SH3RF2: variants seen among roughly 807,000 people sequenced by gnomAD.
SH3RF2 encodes the protein E3 ubiquitin-protein ligase SH3RF2.
Under a neutral mutation model 59.0 loss-of-function variants are expected in SH3RF2, and 43 were observed. The observed-to-expected ratio is 0.73, with a 90% CI of 0.57 to 0.94. The LOEUF (loss-of-function observed/expected upper bound fraction) is 0.94. Among genes scored for constraint, SH3RF2 ranks in the 40% least tolerant of loss-of-function variants. The pLI is 0.00. For synonymous variants in SH3RF2, 391 were observed against 391.5 expected, an observed-to-expected ratio of 1.00 and a Z score of 0.01; for missense variants, 930 against 940.1, an observed-to-expected ratio of 0.99 and a Z score of 0.14.
intron 2 of SH3RF2, among the ~76,000 whole-genome samples, chr5:145,968,131 C>T (rs1481158554): frequency 6.6e-6 from 1 of 152,146 alleles, no homozygotes; most frequent in East Asian, 1.9e-4. Flanking sequence ...GTCCATGATA[C>T]CCAAATGTTA....
In SH3RF2 at chr5:146,056,703, T is replaced by A. The variant is rs532750673; in HGVS notation, c.1555+490T>A. 1.4e-4 allele frequency among the ~76,000 whole-genome samples: 21 copies of A among 152,308 alleles called. No homozygotes were observed. In the South Asian group the frequency reaches 1.5e-3, roughly 11 times the overall value. Reference sequence around the variant, plus strand: ...AAGTAATGAATGCATAGAACTTTTTTAAAAAGGTTTACAGTATACGAACTG... The same window carrying A: ...AAGTAATGAATGCATAGAACTTTTTAAAAAAGGTTTACAGTATACGAACTG... On this transcript the variant is annotated intron_variant, in intron 8 of 9. Transcript: ENST00000359120.
At chr5:145,984,508 T>C (rs1759626904) in intron 2 of SH3RF2, among the ~76,000 whole-genome samples, 1 of 152,242 alleles carries the variant, frequency 6.6e-6, no homozygotes, top group Non-Finnish European at 1.5e-5. Context: ...TATCTCATAT[T>C]CCTAAGGAAG....
chr5:146,057,928 GTCTCTCTCTCTC>G (rs58826823), intron 8 of SH3RF2, among the ~76,000 whole-genome samples: 1,606 of 133,226 alleles, frequency 0.012, 30 homozygotes, highest in African/African-American at 0.04. Context: ...GGCTGTTAGT[GTCTCTCTCTCTC>G]TCTCTCTCTC....
chr5:146,074,201 G>A (rs372100505), intron 9 of SH3RF2, among the ~76,000 whole-genome samples: 5 of 151,818 alleles, frequency 3.3e-5, no homozygotes, highest in African/African-American at 1.2e-4. Context: ...CACCACGCCC[G>A]GCTAATTTTT....
chr5:145,983,247 C>CT (rs35986916), intron 2 of SH3RF2, among the ~76,000 whole-genome samples: 11,756 of 133,910 alleles, frequency 0.088, 631 homozygotes, highest in Middle Eastern at 0.11. Context: ...AAACCAGAGC[C>CT]TTTTTTTTTT....
intron 2 of SH3RF2, among the ~76,000 whole-genome samples, chr5:145,964,218 T>C (rs981166645): frequency 1.3e-5 from 2 of 151,162 alleles, no homozygotes; most frequent in Non-Finnish European, 2.9e-5. Context: ...CCTTCCTCCC[T>C]TCCTTCTTTC....
At chr5:146,056,394 A>G (rs1344841835) in intron 8 of SH3RF2, among the ~76,000 whole-genome samples, 181 bp downstream of exon 8, 1 of 152,222 alleles carries the variant, frequency 6.6e-6, no homozygotes, top group African/African-American at 2.4e-5. Context: ...ACTCAAGGTG[A>G]TGGCCCTAGG....
At chr5:145,945,864 A>G (rs907578462) in intron 2 of SH3RF2, among the ~76,000 whole-genome samples, 17 of 152,188 alleles carry the variant, frequency 1.1e-4, no homozygotes, top group South Asian at 2.1e-4. Context: ...TCTTGGATTC[A>G]GTGCAGCCAA....
intron 2 of SH3RF2, among the ~76,000 whole-genome samples, chr5:145,973,433 C>G (rs1461676828): frequency 6.6e-6 from 1 of 152,152 alleles, no homozygotes; most frequent in Admixed American, 6.6e-5. Context: ...GAACTTCTCT[C>G]AAAATTAAGT....
chr5:145,943,437 T>G (rs1757894698), intron 2 of SH3RF2, among the ~76,000 whole-genome samples: 1 of 152,168 alleles, frequency 6.6e-6, no homozygotes, highest in African/African-American at 2.4e-5. Flanking sequence ...GTGTTAAAAT[T>G]TATACAAATA....
intron 2 of SH3RF2, among the ~76,000 whole-genome samples, chr5:145,952,439 C>T (rs1382096825): frequency 6.6e-6 from 1 of 152,132 alleles, no homozygotes; most frequent in Non-Finnish European, 1.5e-5. Context: ...TAAGTTCTGC[C>T]GGGCACATCT....
chr5:145,958,125 CA>C (rs921291402), intron 2 of SH3RF2, among the ~76,000 whole-genome samples: 5 of 150,712 alleles, frequency 3.3e-5, no homozygotes, highest in African/African-American at 1.2e-4. Context: ...AAAAAAAAAA[CA>C]AAAAAACAAA....
intron 9 of SH3RF2, among the ~76,000 whole-genome samples, chr5:146,073,371 T>TTATGG (rs1763275186): frequency 1.3e-5 from 2 of 152,336 alleles, no homozygotes; most frequent in East Asian, 3.9e-4. Context: ...TTCCCAAGGT[T>TTATGG]GACACAGTTT....
chr5:146,051,899 G>C (rs1762513726), intron 7 of SH3RF2, among the ~76,000 whole-genome samples: 1 of 152,184 alleles, frequency 6.6e-6, no homozygotes, highest in South Asian at 2.1e-4. Flanking sequence ...AGGAGTGAGA[G>C]GAGAGACTTG....
At chr5:145,989,253 C>T (rs1412561690) in intron 2 of SH3RF2, among the ~76,000 whole-genome samples, 1 of 152,126 alleles carries the variant, frequency 6.6e-6, no homozygotes, top group African/African-American at 2.4e-5. Flanking sequence ...GTGTATAACA[C>T]CAAATCATTA....
At chr5:146,030,769 G>A (rs527417441) in intron 5 of SH3RF2, among the ~76,000 whole-genome samples, 155 of 149,234 alleles carry the variant, frequency 1.0e-3, no homozygotes, top group Non-Finnish European at 1.6e-3. Context: ...GGGCAGGGGT[G>A]GGGGGTGAAA....
intron 5 of SH3RF2, among the ~76,000 whole-genome samples, chr5:146,022,173 A>C (rs1471940991): frequency 6.6e-6 from 1 of 152,202 alleles, no homozygotes. Context: ...TATTTCAGAT[A>C]TATCTCCTTT....
chr5:145,953,127 C>A (rs1223155998), intron 2 of SH3RF2, among the ~76,000 whole-genome samples: 3 of 114,060 alleles, frequency 2.6e-5, no homozygotes, highest in African/African-American at 9.8e-5. Context: ...CTCTCTGTCA[C>A]ACACACACAC....
chr5:146,032,037 A>G (rs762881001), intron 5 of SH3RF2, among the ~76,000 whole-genome samples: 1 of 152,212 alleles, frequency 6.6e-6, no homozygotes, highest in Non-Finnish European at 1.5e-5. Flanking sequence ...TGGAATGGAA[A>G]ACACTTTATC....
Sources: gnomAD v4.1 joint callset for allele counts (sites outside exome capture counted in the v4.1 genomes callset) on GRCh38, gnomAD v4.1.1 for gene constraint, MANE v1.5 for transcripts, NCBI Gene and HGNC (gene_info 2026-07-23, HGNC 2026-07-21) for gene names.